ITGB3: variants seen among roughly 807,000 people sequenced by gnomAD.
ITGB3 encodes the protein integrin beta-3.
In ITGB3, 48 loss-of-function variants were observed where a neutral mutation model predicts 85.8. The ratio of observed to expected loss-of-function variants is 0.56; its 90% CI spans 0.44 to 0.71. The LOEUF is 0.71. ITGB3 is among the 30% of genes least tolerant of loss of function. The pLI is 0.00. For synonymous variants in ITGB3, 363 were observed against 395.6 expected, an observed-to-expected ratio of 0.92 and a Z score of 0.98; for missense variants, 861 against 1,019.1, an observed-to-expected ratio of 0.84 and a Z score of 2.11.
chr17:47,273,865 T>C (rs1320026403), intron 1 of ITGB3, among the ~76,000 whole-genome samples: 2 of 152,236 alleles, frequency 1.3e-5, no homozygotes, highest in Non-Finnish European at 2.9e-5. Flanking sequence ...GATATATGCA[T>C]TGAGAAGCTT....
chr17:47,289,265 C>T (rs1045735945), intron 6 of ITGB3, among the ~76,000 whole-genome samples: 2 of 152,074 alleles, frequency 1.3e-5, no homozygotes, highest in African/African-American at 2.4e-5. Context: ...TGTACCTCTT[C>T]GTCTATCCCT....
Position 47,310,163 on chromosome 17 carries a change from G to A in ITGB3, c.2326G>A (p.Ala776Thr), listed in dbSNP as rs758072004. Residue 776 changes from alanine (A) to threonine (T), a missense_variant, in exon 15 of 15, where the codon GCC (alanine) becomes ACC (threonine). Transcript: ENST00000559488. ...DTANNPLYKE[A>T]TSTFTNITYR... ...GGCCAACAACCCACTGTATAAAGAG[G>A]CCACGTCTACCTTCACCAATATCAC... The A allele has an allele frequency of 2.5e-6, 4 of 1,614,022 alleles. No individual in the cohort carries two copies. Among genetic ancestry groups the A allele is most frequent in the Non-Finnish European group, 2.5e-6 (3 of 1,179,964 alleles).
intron 1 of ITGB3, among the ~76,000 whole-genome samples, chr17:47,266,455 AT>A (rs1296013719): frequency 1.3e-5 from 2 of 151,834 alleles, no homozygotes; most frequent in African/African-American, 2.4e-5. Context: ...TTGTTCTTCC[AT>A]TTTTCCCACC....
At chr17:47,287,691 G>A (rs1598691733) in intron 6 of ITGB3, among the ~76,000 whole-genome samples, 1 of 152,106 alleles carries the variant, frequency 6.6e-6, no homozygotes, top group South Asian at 2.1e-4. Flanking sequence ...GGAGGATCAC[G>A]TGAGTCCAGG....
chr17:47,296,424 G>A (rs1171689347), intron 10 of ITGB3, among the ~76,000 whole-genome samples: 1 of 151,970 alleles, frequency 6.6e-6, no homozygotes, highest in African/African-American at 2.4e-5. Context: ...TGTAGAGACG[G>A]GATCTCGCTA....
Position 47,313,570 on chromosome 17 carries a change from C to T in ITGB3, c.*3366C>T, listed in dbSNP as rs1478898275. ...TTCACGGTGTTAGCCAGGAAGGTCTCGATCTCCTGACCTCGTGATCCTCCC... is the reference window on the plus strand; with the variant it reads ...TTCACGGTGTTAGCCAGGAAGGTCTTGATCTCCTGACCTCGTGATCCTCCC... On this transcript the variant is annotated 3_prime_UTR_variant, in exon 15 of 15. Coordinates refer to ENST00000559488, the MANE Select transcript of ITGB3 (RefSeq NM_000212.3). 2.6e-5 allele frequency among the ~76,000 whole-genome samples: 4 copies of T among 151,684 alleles called. No individual in the cohort carries two copies. Among genetic ancestry groups the T allele is most frequent in the Admixed American group, 2.0e-4 (3 of 15,230 alleles).
rs368728072 is a variant in ITGB3 at position 47,292,593 on chromosome 17, G to C, written c.1690+25G>C. The C allele has an allele frequency of 2.1e-4, 330 of 1,599,140 alleles. 1 individual carries two copies. Among genetic ancestry groups the C allele is most frequent in the Middle Eastern group, 1.8e-3 (11 of 6,058 alleles). ...GGTGAGGAGAACTGCAGGGCCCCCTGTCCTGGAACCCACACCCCCTCATAT... is the reference window on the plus strand; with the variant it reads ...GGTGAGGAGAACTGCAGGGCCCCCTCTCCTGGAACCCACACCCCCTCATAT... On this transcript the variant is annotated intron_variant, in intron 10 of 14. Coordinates refer to ENST00000559488, the MANE Select transcript of ITGB3 (RefSeq NM_000212.3).
chr17:47,299,330 G>C lies in ITGB3; in HGVS notation c.1713G>C (p.Gly571=). 6.2e-7 allele frequency: 1 copy of C among 1,614,094 alleles called. No individual in the cohort carries two copies. The highest frequency in any genetic ancestry group is 8.5e-7 in the Non-Finnish European group (1 of 1,180,044). The change falls in exon 11 of 15, where the codon GGG becomes GGC. Residue 571 remains glycine, a synonymous_variant. Coordinates refer to ENST00000559488, the MANE Select transcript of ITGB3 (RefSeq NM_000212.3). The surrounding 1 kb of genome is among the most constrained non-coding windows in gnomAD (Gnocchi z 5.1). ...MCSGHGQCSC[G]DCLCDSDWTG... ...CAGGCCATGGCCAGTGCAGCTGTGG[G>C]GACTGCCTGTGTGACTCCGACTGGA...
intron 1 of ITGB3, among the ~76,000 whole-genome samples, chr17:47,269,062 C>G (rs1314764035): frequency 2.0e-5 from 3 of 152,206 alleles, no homozygotes; most frequent in Non-Finnish European, 4.4e-5. Flanking sequence ...ATGGCCTGAG[C>G]TCTATGTTGG....
intron 9 of ITGB3, among the ~76,000 whole-genome samples, chr17:47,291,824 A>C (rs2065126888): frequency 6.6e-6 from 1 of 152,246 alleles, no homozygotes; most frequent in Non-Finnish European, 1.5e-5. Flanking sequence ...GGGTGTTTAT[A>C]TGATCACAGG....
At chr17:47,266,072 C>G (rs1047273951) in intron 1 of ITGB3, among the ~76,000 whole-genome samples, 2 of 152,120 alleles carry the variant, frequency 1.3e-5, no homozygotes, top group African/African-American at 4.8e-5. Flanking sequence ...CTATGTAGGA[C>G]AGTAAGCATG....
In ITGB3 at chr17:47,253,828, T is replaced by TGG; in HGVS notation, c.-31_-30dup. ...CGGCCGCGGGCGGCGGCGCCCACTG[T>TGG]GGGGCGGGCGGAGCGCCGCGGGAGG... On this transcript the variant is annotated 5_prime_UTR_variant, in exon 1 of 15. Coordinates refer to ENST00000559488, the MANE Select transcript of ITGB3 (RefSeq NM_000212.3). 8.6e-7 allele frequency: 1 copy of TGG among 1,163,548 alleles called. No homozygotes were observed. The highest frequency in any genetic ancestry group is 1.1e-6 in the Non-Finnish European group (1 of 936,256). The allele number at this position is 1,163,548 out of a possible 1,614,324, so 72.1% of individuals were successfully genotyped here.
intron 1 of ITGB3, among the ~76,000 whole-genome samples, chr17:47,260,925 A>T (rs140066087): frequency 6.6e-6 from 1 of 152,316 alleles, no homozygotes; most frequent in African/African-American, 2.4e-5. Flanking sequence ...AAATGAAGTT[A>T]AATAACATAT....
chr17:47,310,258 C>G lies in ITGB3; in HGVS notation c.*54C>G. ...CAGCCTGTGCCACGATTGCAGGAGT[C>G]CCTGCCATCATGTTTACAGAGGACA... On this transcript the variant is annotated 3_prime_UTR_variant, in exon 15 of 15. Transcript: ENST00000559488. 1 of 1,493,824 alleles carries G rather than the reference C, an allele frequency of 6.7e-7. No homozygotes were observed. The highest frequency in any genetic ancestry group is 9.3e-7 in the Non-Finnish European group (1 of 1,070,748). 92.5% of individuals were successfully genotyped at this position (1,493,824 alleles called of 1,614,324 possible). A position where few individuals can be genotyped will look rare whatever the true frequency, so the allele number is the denominator to read the frequency against.
intron 13 of ITGB3, among the ~76,000 whole-genome samples, chr17:47,303,933 C>T (rs1006483875): frequency 1.3e-5 from 2 of 152,032 alleles, no homozygotes; most frequent in Non-Finnish European, 2.9e-5. Flanking sequence ...ATTTTGTTGC[C>T]CAGGTTGGGG....
chr17:47,263,691 T>G (rs1289114953), intron 1 of ITGB3, among the ~76,000 whole-genome samples: 1 of 152,212 alleles, frequency 6.6e-6, no homozygotes. Context: ...GATTTCGCCA[T>G]GTTGGCCAGG....
chr17:47,297,839 A>G (rs2065151334), intron 10 of ITGB3, among the ~76,000 whole-genome samples: 2 of 147,916 alleles, frequency 1.4e-5, no homozygotes, highest in African/African-American at 2.5e-5. Context: ...CAATGATTGC[A>G]CCACTGCACT....
intron 11 of ITGB3, 132 bp from the exon 12 acceptor site, chr17:47,300,346 C>CGCGCGTGT (rs377375532): frequency 6.0e-5 from 37 of 619,828 alleles, no homozygotes; most frequent in African/African-American, 5.4e-4. Context: ...CGCGCGCGCG[C>CGCGCGTGT]GTGTGTGTGT....
chr17:47,266,536 A>G (rs767053514), intron 1 of ITGB3, among the ~76,000 whole-genome samples: 3 of 152,096 alleles, frequency 2.0e-5, no homozygotes, highest in Non-Finnish European at 4.4e-5. Flanking sequence ...TCTACTTTCC[A>G]GGCAAACTTC....
Sources: gnomAD v4.1 joint callset for allele counts (sites outside exome capture counted in the v4.1 genomes callset) on GRCh38, gnomAD v4.1.1 for gene constraint, Gnocchi (gnomAD v3.1) non-coding constraint, MANE v1.5 for transcripts, NCBI Gene and HGNC (gene_info 2026-07-23, HGNC 2026-07-21) for gene names.